The following SPDEF variants were observed in gnomAD, a reference collection of about 807,000 sequenced individuals.
SPDEF encodes the protein SAM pointed domain containing ETS transcription factor, also known as SAM pointed domain-containing Ets transcription factor.
Under a neutral mutation model 36.0 loss-of-function variants are expected in SPDEF, and 12 were observed. That is an observed-to-expected ratio of 0.33 (90% confidence interval 0.21 to 0.54). The LOEUF (loss-of-function observed/expected upper bound fraction) is 0.54, where lower values mean the gene tolerates loss of function less well. Ranked by LOEUF, SPDEF falls within the 20% of genes least tolerant of loss-of-function variation. SPDEF has a pLI of 0.93. For missense variants in SPDEF, 388 were observed against 456.9 expected, an observed-to-expected ratio of 0.85 and a Z score of 1.37; for synonymous variants, 205 against 193.0, an observed-to-expected ratio of 1.06 and a Z score of -0.51.
In SPDEF at chr6:34,540,853, G is replaced by T. The variant is rs1247426574; in HGVS notation, c.634+131C>A. 9.8e-6 allele frequency: 8 copies of T among 814,876 alleles called. No homozygotes were observed. In the East Asian group the frequency reaches 1.9e-4, roughly 19 times the overall value. The allele number at this position is 814,876 out of a possible 1,614,324, so 50.5% of individuals were successfully genotyped here. ...GATCCAGGAGGCAGCTGAAACTGGG[G>T]CTGAGATTCAGAGTGGAGTCCAGTT... On this transcript the variant is annotated intron_variant, in intron 3 of 5. Transcript: ENST00000374037.
chr6:34,545,574 C>T (rs937340768), intron 1 of SPDEF, among the ~76,000 whole-genome samples: 3 of 152,252 alleles, frequency 2.0e-5, no homozygotes, highest in Non-Finnish European at 4.4e-5. Flanking sequence ...AACCCCAGGA[C>T]ATTCTGGGAT....
Position 34,538,577 on chromosome 6 carries a change from C to T in SPDEF, c.830-125G>A, listed in dbSNP as rs1448692197. The T allele has an allele frequency of 7.5e-6, 7 of 937,848 alleles. No individual in the cohort carries two copies. Among genetic ancestry groups the T allele is most frequent in the East Asian group, 2.5e-5 (1 of 39,756 alleles). 58.1% of individuals were successfully genotyped at this position (937,848 alleles called of 1,614,324 possible). A position where few individuals can be genotyped will look rare whatever the true frequency, so the allele number is the denominator to read the frequency against. On this transcript the variant is annotated intron_variant, in intron 5 of 5. Transcript: ENST00000374037. The surrounding 1 kb of genome is among the most constrained non-coding windows in gnomAD (Gnocchi z 5.9). ...CCCCGTGCAGAGGCCTCCCCCTGCT[C>T]GGGTGGGGCGGGGTGTGGGGGCCCA...
rs984420054 is a variant in SPDEF, at chr6:34,552,599, T to G, written c.-30+3330A>C. On this transcript the variant is annotated intron_variant, in intron 1 of 5. Transcript: ENST00000374037. The surrounding 1 kb of genome is among the most constrained non-coding windows in gnomAD (Gnocchi z 4.6). ...GGCAGAGGCCCTCCACACACCTGGT[T>G]GTTGGTCTGTAAAATCTTGATGGGC... Among the ~76,000 whole-genome samples the G allele has an allele frequency of 1.3e-4, 20 of 152,144 alleles. No individual in the cohort carries two copies. The highest frequency in any genetic ancestry group is 4.6e-4 in the African/African-American group (19 of 41,446).
intron 1 of SPDEF, among the ~76,000 whole-genome samples, chr6:34,545,461 G>A (rs994679283): frequency 2.6e-5 from 4 of 152,248 alleles, no homozygotes; most frequent in Non-Finnish European, 5.9e-5. Flanking sequence ...TGCTCCCCAC[G>A]GGCCGCCCCG....
chr6:34,553,094 C>A (rs1768097273), intron 1 of SPDEF, among the ~76,000 whole-genome samples: 1 of 151,994 alleles, frequency 6.6e-6, no homozygotes, highest in Admixed American at 6.6e-5. Flanking sequence ...CCGTCATAAT[C>A]CTGGGGAGGT....
intron 1 of SPDEF, among the ~76,000 whole-genome samples, chr6:34,553,107 C>T (rs529250180): frequency 6.6e-5 from 10 of 152,064 alleles, no homozygotes; most frequent in South Asian, 2.1e-4. Flanking sequence ...GGGGAGGTCC[C>T]GGTCCCATCC....
intron 1 of SPDEF, among the ~76,000 whole-genome samples, chr6:34,553,926 C>T (rs916707627): frequency 1.3e-5 from 2 of 151,412 alleles, no homozygotes; most frequent in African/African-American, 4.9e-5. Flanking sequence ...CCCCCGCACC[C>T]GCCACCACCC....
chr6:34,547,274 C>A (rs553971953), intron 1 of SPDEF, among the ~76,000 whole-genome samples: 5 of 152,042 alleles, frequency 3.3e-5, no homozygotes, highest in Non-Finnish European at 7.4e-5. Context: ...CAGGTGGCAG[C>A]TTTTGCCAGG....
At chr6:34,550,776 G>GGGCGGGGCCACGTAGCAGGAA (rs1768042310) in intron 1 of SPDEF, among the ~76,000 whole-genome samples, 2 of 152,166 alleles carry the variant, frequency 1.3e-5, no homozygotes, top group South Asian at 4.1e-4. Flanking sequence ...TGGAAGCTGG[G>GGGCGGGGCCACGTAGCAGGAA]GGCGGGGCCA....
At chr6:34,542,535 G>A (rs1767844795) in intron 2 of SPDEF, among the ~76,000 whole-genome samples, 1 of 152,244 alleles carries the variant, frequency 6.6e-6, no homozygotes, top group African/African-American at 2.4e-5. Context: ...TACGAACACA[G>A]GGGCTGTGTT....
At chr6:34,543,340 TCCCTG>T (rs1191899253) in intron 2 of SPDEF, among the ~76,000 whole-genome samples, 1 of 150,904 alleles carries the variant, frequency 6.6e-6, no homozygotes, top group Non-Finnish European at 1.5e-5. Context: ...CAAATGAAAA[TCCCTG>T]CCTTTGTGGA....
chr6:34,548,485 G>A (rs762053982), intron 1 of SPDEF, among the ~76,000 whole-genome samples: 6 of 152,266 alleles, frequency 3.9e-5, no homozygotes, highest in Non-Finnish European at 8.8e-5. Flanking sequence ...CCCAGTGGCT[G>A]GTGCCTACCT....
intron 1 of SPDEF, among the ~76,000 whole-genome samples, chr6:34,553,737 G>A (rs940950583): frequency 3.3e-5 from 5 of 152,044 alleles, no homozygotes; most frequent in Non-Finnish European, 4.4e-5. Flanking sequence ...AAGGTGATGG[G>A]GAGTAGAGGG....
In SPDEF at chr6:34,538,387, C is replaced by A; in HGVS notation, c.895G>T (p.Ala299Ser). 6.2e-7 allele frequency: 1 copy of A among 1,614,060 alleles called. No homozygotes were observed. The highest frequency in any genetic ancestry group is 8.5e-7 in the Non-Finnish European group (1 of 1,179,948). The change falls in exon 6 of 6, where the codon GCC (alanine) becomes TCC (serine). Residue 299 changes from alanine (A) to serine (S), a missense_variant. By Grantham distance (99) the Ala-to-Ser change is moderately conservative. Transcript: ENST00000374037. The surrounding 1 kb of genome is among the most constrained non-coding windows in gnomAD (Gnocchi z 5.9). Reference protein sequence around the residue: ...RLWGIRKNRPAMNYDKLSRSI... With the variant: ...RLWGIRKNRPSMNYDKLSRSI... ...CGGCTCAGCTTGTCGTAGTTCATGG[C>A]GGGACGGTTCTTGCGGATGCCCCAC...
At chr6:34,542,848 C>T (rs914975395) in intron 2 of SPDEF, among the ~76,000 whole-genome samples, 7 of 137,756 alleles carry the variant, frequency 5.1e-5, no homozygotes, top group Non-Finnish European at 9.1e-5. Context: ...GAAATCACAC[C>T]ACTGCACTCC....
At chr6:34,554,020 C>T (rs1261662740) in intron 1 of SPDEF, among the ~76,000 whole-genome samples, 1 of 152,110 alleles carries the variant, frequency 6.6e-6, no homozygotes, top group African/African-American at 2.4e-5. Flanking sequence ...TCCGTGAAGC[C>T]TGCTTTAACA....
chr6:34,539,332 G>T lies in SPDEF; in HGVS notation c.747C>A (p.Ile249=). Residue 249 remains isoleucine (I), a synonymous_variant, in exon 5 of 6, where the codon ATC becomes ATA. Coordinates refer to ENST00000374037, the MANE Select transcript of SPDEF (RefSeq NM_012391.3). The surrounding 1 kb of genome is among the most constrained non-coding windows in gnomAD (Gnocchi z 5.2). The stretch of plus-strand genomic sequence containing the variant: ...ACTCCTTGAGGAACTGCCACAGGTG[G>T]ATGGGCTGCCCGGAGCATGATGAGT... ...EVDSSCSGQP[I]HLWQFLKELL... 6.2e-7 allele frequency: 1 copy of T among 1,613,970 alleles called. No homozygotes were observed. The highest frequency in any genetic ancestry group is 2.2e-5 in the East Asian group (1 of 44,882).
In SPDEF at chr6:34,544,069, T is replaced by C. The variant is rs1323094661; in HGVS notation, c.387A>G (p.Glu129=). 4 of 1,613,006 alleles carry C rather than the reference T, an allele frequency of 2.5e-6. No homozygotes were observed. The highest frequency in any genetic ancestry group is 3.4e-6 in the Non-Finnish European group (4 of 1,179,718). The change falls in exon 2 of 6, where the codon GAA becomes GAG. Residue 129 remains glutamate (E), a synonymous_variant. Transcript: ENST00000374037. The surrounding 1 kb of genome is among the most constrained non-coding windows in gnomAD (Gnocchi z 4.4). Reference sequence around the variant, plus strand: ...AGGCCGTCTCGATGTCCTTGAGCACTTCGCCCACCACCATGGACTGCACCT... The same window carrying C: ...AGGCCGTCTCGATGTCCTTGAGCACCTCGCCCACCACCATGGACTGCACCT... ...LEQVQSMVVG[E]VLKDIETACK...
In SPDEF at chr6:34,538,249, G is replaced by T; in HGVS notation, c.*25C>A. ...AGGCAGGAGAGAGGCCCCTGAGGGC[G>T]GGTTTCAGGCCCTGGGCCAGGCACT... On this transcript the variant is annotated 3_prime_UTR_variant, in exon 6 of 6. Coordinates refer to ENST00000374037, the MANE Select transcript of SPDEF (RefSeq NM_012391.3). This position sits in a 1 kb window ranked among gnomAD's most constrained non-coding sequence, Gnocchi z 5.9. 6.2e-7 allele frequency: 1 copy of T among 1,603,968 alleles called. No homozygotes were observed.
Sources: allele counts gnomAD v4.1 joint callset (sites outside exome capture counted in the v4.1 genomes callset), GRCh38; gene constraint gnomAD v4.1.1; non-coding constraint Gnocchi (gnomAD v3.1); transcripts MANE v1.5; gene names NCBI Gene and HGNC (gene_info 2026-07-23, HGNC 2026-07-21).